The following WDR17 variants were observed in gnomAD, a reference collection of about 807,000 sequenced individuals.
WDR17 encodes WD repeat domain 17.
Under a neutral mutation model 161.7 loss-of-function variants are expected in WDR17, and 143 were observed. The ratio of observed to expected loss-of-function variants is 0.88; its 90% CI spans 0.77 to 1.02. The LOEUF (loss-of-function observed/expected upper bound fraction) is 1.02, where lower values mean the gene tolerates loss of function less well. Ranked by LOEUF, WDR17 falls within the 50% of genes least tolerant of loss-of-function variation. WDR17 has a pLI of 0.00. For missense variants in WDR17, 1,469 were observed against 1,520.9 expected, an observed-to-expected ratio of 0.97 and a Z score of 0.57; for synonymous variants, 517 against 515.6, an observed-to-expected ratio of 1.00 and a Z score of -0.04.
intron 8 of WDR17, among the ~76,000 whole-genome samples, chr4:176,136,535 G>C (rs1481617941): frequency 6.6e-6 from 1 of 151,620 alleles, no homozygotes; most frequent in Non-Finnish European, 1.5e-5. Flanking sequence ...CATCAAGAAA[G>C]TAAAAATGTT....
chr4:176,167,791 A>G (rs936725541), intron 22 of WDR17, among the ~76,000 whole-genome samples: 2 of 152,052 alleles, frequency 1.3e-5, no homozygotes, highest in African/African-American at 2.4e-5. Context: ...TAAATCTTCT[A>G]AGTACATACC....
At chr4:176,073,965 A>G (rs1733607755) in intron 1 of WDR17, among the ~76,000 whole-genome samples, 1 of 149,018 alleles carries the variant, frequency 6.7e-6, no homozygotes, top group African/African-American at 2.5e-5. Context: ...TTTTTCTTGT[A>G]AATTTGTTTG....
At chr4:176,150,278 G>T (rs1746907572) in intron 15 of WDR17, 105 bp downstream of exon 15, 1 of 1,513,922 alleles carries the variant, frequency 6.6e-7, no homozygotes, top group East Asian at 2.3e-5. Flanking sequence ...AATTCATTGG[G>T]TAACTCTTAC....
rs1477437919 is a variant in WDR17, at chr4:176,107,668, CT to C, written c.-6-3903del. Among the ~76,000 whole-genome samples, 4 of 151,852 alleles carry C rather than the reference CT, an allele frequency of 2.6e-5. No individual in the cohort carries two copies. In the East Asian group the frequency reaches 7.8e-4, roughly 30 times the overall value. On this transcript the variant is annotated intron_variant, in intron 1 of 28. Coordinates refer to ENST00000508596, the MANE Select transcript of WDR17 (RefSeq NM_181265.4). The stretch of plus-strand genomic sequence containing the variant: ...ACTTAAGGACATTATGTATTCAAGT[CT>C]TTTGCCCATTTTTGAATCAGATAAA...
At chr4:176,103,487 A>G (rs980649413) in intron 1 of WDR17, among the ~76,000 whole-genome samples, 13 of 152,118 alleles carry the variant, frequency 8.5e-5, no homozygotes, top group Admixed American at 2.6e-4. Context: ...TGAAAGATCT[A>G]CTAGACAAAG....
Position 176,167,662 on chromosome 4 carries a change from A to ACAAC in WDR17, c.2991-1010_2991-1009insCAAC, listed in dbSNP as rs1429686188. ...TCCGTCTCAAAAAAAAAAAAAAAAA[A>ACAAC]AAAAAAAAAACAATATCTTGAATTA... is the stretch of plus-strand genomic sequence containing the variant. On this transcript the variant is annotated intron_variant, in intron 22 of 28. Transcript: ENST00000508596. 1.2e-3 allele frequency among the ~76,000 whole-genome samples: 54 copies of ACAAC among 45,328 alleles called. 4 individuals are homozygous for ACAAC. Among genetic ancestry groups the ACAAC allele is most frequent in the Admixed American group, 2.6e-3 (7 of 2,656 alleles). The allele number at this position is 45,328 out of a possible 152,430, so 29.7% of individuals were successfully genotyped here.
chr4:176,147,563 C>T (rs539275209), intron 12 of WDR17, among the ~76,000 whole-genome samples: 1 of 151,952 alleles, frequency 6.6e-6, no homozygotes, highest in Non-Finnish European at 1.5e-5. Context: ...CAGATAATAC[C>T]CATCATCATA....
rs1734333667 is a variant in WDR17, at chr4:176,078,460, TC to T, written c.-7+12382del. On this transcript the variant is annotated intron_variant, in intron 1 of 28. Coordinates refer to ENST00000508596, the MANE Select transcript of WDR17 (RefSeq NM_181265.4). ...AGGTGGTGGGGAGGCAAACAACAAA[TC>T]TTCATTATGGTGTTTAAGTGGAAAG... Among the ~76,000 whole-genome samples, 4 of 152,146 alleles carry T rather than the reference TC, an allele frequency of 2.6e-5. 1 individual carries two copies. In the South Asian group the frequency reaches 8.3e-4, roughly 32 times the overall value.
chr4:176,071,528 G>T (rs922294601), intron 1 of WDR17, among the ~76,000 whole-genome samples: 1 of 151,938 alleles, frequency 6.6e-6, no homozygotes, highest in Non-Finnish European at 1.5e-5. Context: ...TCACCATGTT[G>T]GTCAGGCTGG....
intron 15 of WDR17, 31 bp from the exon 16 acceptor site, chr4:176,150,437 A>G (rs1011526730): frequency 1.3e-6 from 2 of 1,584,780 alleles, no homozygotes; most frequent in African/African-American, 1.4e-5. Context: ...TTAATTCACT[A>G]TTCCATATTT....
intron 1 of WDR17, among the ~76,000 whole-genome samples, chr4:176,075,044 A>G (rs1733790660): frequency 6.6e-6 from 1 of 151,812 alleles, no homozygotes; most frequent in African/African-American, 2.4e-5. Context: ...TAATTTTTAA[A>G]TGCAGAAACA....
chr4:176,175,589 T>G (rs1395391047), intron 26 of WDR17, among the ~76,000 whole-genome samples: 1 of 151,632 alleles, frequency 6.6e-6, no homozygotes, highest in Non-Finnish European at 1.5e-5. Flanking sequence ...ATGGAGTCTC[T>G]CTCTGTCTCC....
chr4:176,070,310 G>A (rs1733055075), intron 1 of WDR17, among the ~76,000 whole-genome samples: 1 of 152,112 alleles, frequency 6.6e-6, no homozygotes, highest in Non-Finnish European at 1.5e-5. Flanking sequence ...TTGGCTCAGA[G>A]CGTAATATTT....
rs138006002 is a variant in WDR17, at chr4:176,139,919, G to C, written c.1387G>C (p.Ala463Pro). 1,513 of 1,611,688 alleles carry C rather than the reference G, an allele frequency of 9.4e-4. No individual in the cohort carries two copies. Among genetic ancestry groups the C allele is most frequent in the Non-Finnish European group, 1.2e-3 (1,431 of 1,178,618 alleles). Residue 463 changes from alanine (A) to proline (P), a missense_variant, in exon 10 of 29, where the codon GCC becomes CCC. Ala to Pro is a conservative substitution (Grantham distance 27). Coordinates refer to ENST00000508596, the MANE Select transcript of WDR17 (RefSeq NM_181265.4). ...TGGAACAAATGGAATATTCTGCATTGCCTGGAGTCATAAAGATTCTAAAAG... is the reference window on the plus strand; with the variant it reads ...TGGAACAAATGGAATATTCTGCATTCCCTGGAGTCATAAAGATTCTAAAAG... The part of the protein sequence containing the change: ...EHGTNGIFCI[A>P]WSHKDSKRIA...
chr4:176,148,102 T>A, intron 12 of WDR17, 31 bp from the exon 13 acceptor site: 2 of 1,588,978 alleles, frequency 1.3e-6, no homozygotes, highest in Non-Finnish European at 1.7e-6. Context: ...ATAACTTGAA[T>A]GTTATCACAC....
intron 6 of WDR17, 133 bp from the exon 7 acceptor site, chr4:176,131,421 A>T: frequency 1.2e-6 from 1 of 850,206 alleles, no homozygotes. Context: ...AGAACTGCTT[A>T]TGTGGGAGAA....
rs549240944 is a variant in WDR17 at position 176,165,182 on chromosome 4, A to AAC, written c.2990+1889_2990+1890insAC. Among the ~76,000 whole-genome samples, 1,138 of 147,526 alleles carry AAC rather than the reference A, an allele frequency of 7.7e-3. 19 individuals carry two copies. The highest frequency in any genetic ancestry group is 0.038 in the Middle Eastern group (11 of 288). On this transcript the variant is annotated intron_variant, in intron 22 of 28. Transcript: ENST00000508596. ...TCTCTAAAATACAAAAAAAAAAAAAACCCATTACTAAAAATACAAAAATAA... is the reference window on the plus strand; with the variant it reads ...TCTCTAAAATACAAAAAAAAAAAAAAACCCCATTACTAAAAATACAAAAATAA...
intron 27 of WDR17, 75 bp downstream of exon 27, chr4:176,177,231 T>G: frequency 7.6e-7 from 1 of 1,307,588 alleles, no homozygotes; most frequent in Non-Finnish European, 1.1e-6. Context: ...GAAGTATGTG[T>G]GGTCTCATTA....
intron 1 of WDR17, among the ~76,000 whole-genome samples, chr4:176,069,603 A>G (rs1732961711): frequency 6.6e-6 from 1 of 152,000 alleles, no homozygotes; most frequent in South Asian, 2.1e-4. Context: ...TCCTTAAACA[A>G]TTTTTCTTAT....
Sources: allele counts gnomAD v4.1 joint callset (sites outside exome capture counted in the v4.1 genomes callset), GRCh38; gene constraint gnomAD v4.1.1; transcripts MANE v1.5; gene names NCBI Gene and HGNC (gene_info 2026-07-23, HGNC 2026-07-21).